The following KLHL26 variants were observed in gnomAD, a reference collection of about 807,000 sequenced individuals.
The protein encoded by KLHL26 is kelch-like protein 26.
A neutral mutation model predicts 7.1 loss-of-function variants in KLHL26; 4 were observed. That is an observed-to-expected ratio of 0.56 (90% CI 0.28 to 1.28). KLHL26 has a LOEUF of 1.28. KLHL26 is among the 50% of genes most tolerant of loss of function. The probability of loss-of-function intolerance (pLI) is 0.11; values close to 1 mark genes in which losing one functional copy is unlikely to be tolerated. For synonymous variants in KLHL26, 465 were observed against 414.1 expected (o/e 1.12, Z -1.49); for missense variants, 896 against 924.6 (o/e 0.97, Z 0.40).
At chr19:18,645,377 T>C (rs1369672784) in intron 1 of KLHL26, among the ~76,000 whole-genome samples, 1 of 152,178 alleles carries the variant, frequency 6.6e-6, no homozygotes, top group East Asian at 1.9e-4. Flanking sequence ...CTCTCCGACA[T>C]GGGCCTTTGG....
intron 2 of KLHL26, chr19:18,667,457 G>A (rs1293368448): frequency 2.6e-6 from 2 of 768,146 alleles, no homozygotes; most frequent in Non-Finnish European, 2.0e-6. Flanking sequence ...ACCCGCCTGG[G>A]CTTCCCAAAG....
chr19:18,663,927 A>G (rs963355576), intron 1 of KLHL26, among the ~76,000 whole-genome samples: 13 of 152,072 alleles, frequency 8.5e-5, no homozygotes, highest in Non-Finnish European at 1.2e-4. Context: ...AATTCACGTG[A>G]CATAAAACTG....
At chr19:18,644,209 G>T (rs539705441) in intron 1 of KLHL26, among the ~76,000 whole-genome samples, 33 of 152,326 alleles carry the variant, frequency 2.2e-4, no homozygotes, top group Non-Finnish European at 1.3e-4. Context: ...TGCTTTGGGG[G>T]TCATGCATGT....
In KLHL26 at chr19:18,661,912, C is replaced by G. The variant is rs2052395606; in HGVS notation, c.84-2349C>G. Among the ~76,000 whole-genome samples, 2 of 152,082 alleles carry G rather than the reference C, an allele frequency of 1.3e-5. 1 individual carries two copies. The highest frequency in any genetic ancestry group is 4.1e-4 in the South Asian group (2 of 4,822). On this transcript the variant is annotated intron_variant, in intron 1 of 2. Transcript: ENST00000300976. ...ATTCTTTGTGCATCTTTCGATCTCACTCTGTCACCCAGGCTGGAGTGCAGT... is the reference window on the plus strand; with the variant it reads ...ATTCTTTGTGCATCTTTCGATCTCAGTCTGTCACCCAGGCTGGAGTGCAGT...
intron 2 of KLHL26, 99 bp from the exon 3 acceptor site, chr19:18,667,565 C>G (rs1196726107): frequency 1.3e-6 from 2 of 1,512,946 alleles, no homozygotes; most frequent in African/African-American, 1.4e-5. Context: ...GCCCTGTGTT[C>G]TGTGTCCCCA....
chr19:18,665,132 T>C (rs1237675761), intron 2 of KLHL26, among the ~76,000 whole-genome samples: 8 of 148,318 alleles, frequency 5.4e-5, no homozygotes, highest in African/African-American at 2.0e-4. Flanking sequence ...TCTTGGCTCA[T>C]TGCAACCTCC....
Position 18,664,425 on chromosome 19 carries a change from C to T in KLHL26, c.248C>T (p.Ala83Val). ...CCTGCACACAAGGTCGTCCTGGCTG[C>T]CTGCAGCGACTACTTCAGGTAAGTG... ...AFPAHKVVLA[A>V]CSDYFRAMFT... The change falls in exon 2 of 3, where the codon GCC (alanine) becomes GTC (valine). Residue 83 changes from alanine (A) to valine (V), a missense_variant. By Grantham distance (64) the Ala-to-Val change is moderately conservative (BLOSUM62 0). Transcript: ENST00000300976. The T allele has an allele frequency of 6.3e-7, 1 of 1,587,146 alleles. No individual in the cohort carries two copies. Among genetic ancestry groups the T allele is most frequent in the Admixed American group, 1.7e-5 (1 of 58,170 alleles).
chr19:18,645,069 G>A (rs1430732184), intron 1 of KLHL26, among the ~76,000 whole-genome samples: 1 of 152,178 alleles, frequency 6.6e-6, no homozygotes, highest in African/African-American at 2.4e-5. Flanking sequence ...TAGTAGAGGT[G>A]GTCATTAATG....
intron 1 of KLHL26, among the ~76,000 whole-genome samples, chr19:18,653,217 G>A (rs78043413): frequency 0.016 from 2,410 of 152,010 alleles, 31 homozygotes; most frequent in South Asian, 0.049. Flanking sequence ...GCACAAAGAT[G>A]TGGATTTATC....
chr19:18,657,802 C>G (rs967427962), intron 1 of KLHL26, among the ~76,000 whole-genome samples: 2 of 152,154 alleles, frequency 1.3e-5, no homozygotes. Context: ...AGGAAGTAGC[C>G]TTGGGCAGTC....
At chr19:18,655,911 G>T (rs904953699) in intron 1 of KLHL26, among the ~76,000 whole-genome samples, 1 of 152,172 alleles carries the variant, frequency 6.6e-6, no homozygotes, top group Non-Finnish European at 1.5e-5. Flanking sequence ...TTGGTCAGAG[G>T]CTGGGATTAG....
At chr19:18,662,649 G>A (rs911019839) in intron 1 of KLHL26, among the ~76,000 whole-genome samples, 1 of 152,182 alleles carries the variant, frequency 6.6e-6, no homozygotes, top group Non-Finnish European at 1.5e-5. Context: ...GCCATTCGTG[G>A]GAAGCAATGA....
At chr19:18,654,852 C>G (rs1410675971) in intron 1 of KLHL26, among the ~76,000 whole-genome samples, 2 of 152,190 alleles carry the variant, frequency 1.3e-5, no homozygotes, top group Non-Finnish European at 2.9e-5. Flanking sequence ...ATTTACCCAT[C>G]CATCTACCTG....
At chr19:18,661,677 T>C (rs949695167) in intron 1 of KLHL26, among the ~76,000 whole-genome samples, 3 of 151,980 alleles carry the variant, frequency 2.0e-5, no homozygotes, top group African/African-American at 7.2e-5. Context: ...CTGTGGCCCC[T>C]AGAGATTGTA....
chr19:18,667,642 A>G, intron 2 of KLHL26, 22 bp from the exon 3 acceptor site: 2 of 1,595,966 alleles, frequency 1.3e-6, no homozygotes, highest in Non-Finnish European at 1.7e-6. Flanking sequence ...TGCCAGCCAC[A>G]CGTTGTGTTT....
Position 18,668,069 on chromosome 19 carries a change from C to T in KLHL26, c.672C>T (p.Ile224=), listed in dbSNP as rs79044993. The stretch of plus-strand genomic sequence containing the variant: ...ACCGGCTGCAGAGCTGTGCCGAGAT[C>T]GACCTGTTCCGCGCGGCCGTCCGCT... ...QSNRLQSCAE[I]DLFRAAVRWL... The change falls in exon 3 of 3, where the codon ATC becomes ATT. Residue 224 remains isoleucine (I), a synonymous_variant. Coordinates refer to ENST00000300976, the MANE Select transcript of KLHL26 (RefSeq NM_018316.3). 3,086 of 1,606,696 alleles carry T rather than the reference C, an allele frequency of 1.9e-3. 51 individuals are homozygous for T. The African/African-American group carries it at 0.032, about 17-fold the overall frequency.
chr19:18,668,731 C>T lies in KLHL26; in HGVS notation c.1334C>T (p.Ser445Leu), dbSNP rs2052488437. ...PRRNEWGYAC[S>L]LKRRTWGHAG... ...CGCAATGAGTGGGGCTACGCCTGCT[C>T]GCTGAAGCGCCGTACCTGGGGCCAT... is the stretch of plus-strand genomic sequence containing the variant. The change falls in exon 3 of 3, where the codon TCG (serine) becomes TTG (leucine). Residue 445 changes from serine to leucine, a missense_variant. Physicochemically the swap from Ser to Leu is moderately radical, Grantham distance 145. Transcript: ENST00000300976. 1.3e-6 allele frequency: 2 copies of T among 1,578,514 alleles called. No homozygotes were observed. The highest frequency in any genetic ancestry group is 8.6e-7 in the Non-Finnish European group (1 of 1,168,788).
At chr19:18,660,812 C>G (rs1290981167) in intron 1 of KLHL26, among the ~76,000 whole-genome samples, 2 of 152,168 alleles carry the variant, frequency 1.3e-5, no homozygotes, top group Non-Finnish European at 2.9e-5. Context: ...TGTCCCATCC[C>G]TAAGATGAGA....
In KLHL26 at chr19:18,648,166, C is replaced by G. The variant is rs185203703; in HGVS notation, c.83+11029C>G. Among the ~76,000 whole-genome samples the G allele has an allele frequency of 2.0e-5, 3 of 152,108 alleles. No homozygotes were observed. Among genetic ancestry groups the G allele is most frequent in the Non-Finnish European group, 4.4e-5 (3 of 68,018 alleles). On this transcript the variant is annotated intron_variant, in intron 1 of 2. Coordinates refer to ENST00000300976, the MANE Select transcript of KLHL26 (RefSeq NM_018316.3). The surrounding 1 kb of genome is among the most constrained non-coding windows in gnomAD (Gnocchi z 4.9). ...GGTAGATCACTTGAGGTCAGGAGTT[C>G]GAGACCAGCCTGGGCAACATAGTGA...
Sources: allele counts gnomAD v4.1 joint callset (sites outside exome capture counted in the v4.1 genomes callset), GRCh38; gene constraint gnomAD v4.1.1; non-coding constraint Gnocchi (gnomAD v3.1); transcripts MANE v1.5; gene names NCBI Gene and HGNC (gene_info 2026-07-23, HGNC 2026-07-21).